ST3GAL3: variants seen among roughly 807,000 people sequenced by gnomAD.
The protein encoded by ST3GAL3 is ST3 beta-galactoside alpha-2,3-sialyltransferase 3, also known as CMP-N-acetylneuraminate-beta-1,4-galactoside alpha-2,3-sialyltransferase.
In ST3GAL3, 21 loss-of-function variants were observed where a neutral mutation model predicts 50.1. That is an observed-to-expected ratio of 0.42 (90% CI 0.30 to 0.60). The LOEUF is 0.60. ST3GAL3 is among the 20% of genes least tolerant of loss of function. The probability of loss-of-function intolerance (pLI) is 0.19; values close to 1 mark genes in which losing one functional copy is unlikely to be tolerated. For missense variants in ST3GAL3, 353 were observed against 489.4 expected (o/e 0.72, Z 2.63); for synonymous variants, 183 against 190.0 (o/e 0.96, Z 0.30).
intron 4 of ST3GAL3, among the ~76,000 whole-genome samples, chr1:43,817,562 T>TTCTTC (rs1334790361): frequency 2.5e-4 from 10 of 40,634 alleles, no homozygotes; most frequent in Admixed American, 3.7e-4. Context: ...CTTCTCCTTC[T>TTCTTC]TCCTTCTTCT....
At chr1:43,912,307 T>A (rs1364771775) in intron 9 of ST3GAL3, 1 of 152,190 alleles carries the variant, frequency 6.6e-6, no homozygotes, top group African/African-American at 2.4e-5. Flanking sequence ...AGAGCTAGTA[T>A]TACTGCCCTT....
At chr1:43,808,638 C>T (rs982138814) in intron 3 of ST3GAL3, among the ~76,000 whole-genome samples, 4 of 152,066 alleles carry the variant, frequency 2.6e-5, no homozygotes, top group African/African-American at 7.2e-5. Context: ...CCCAAGAGTC[C>T]GAAGCTGAGG....
Position 43,930,487 on chromosome 1 carries a change from AC to A in ST3GAL3, c.*267del, listed in dbSNP as rs1391111413. On this transcript the variant is annotated 3_prime_UTR_variant, in exon 12 of 12. Coordinates refer to ENST00000347631, the MANE Select transcript of ST3GAL3 (RefSeq NM_006279.5). ...AGGCCCAGCATGCAGGTGGTGGGAC[AC>A]TGGGCAGCAAGGCTGCTGCCGGAAT... The A allele has an allele frequency of 1.8e-6, 1 of 570,028 alleles. No individual in the cohort carries two copies. The highest frequency in any genetic ancestry group is 3.0e-5 in the Admixed American group (1 of 33,100). 35.3% of individuals were successfully genotyped at this position (570,028 alleles called of 1,614,324 possible).
Position 43,711,150 on chromosome 1 carries a change from C to CA in ST3GAL3, c.-31+3462dup, listed in dbSNP as rs1362620854. Among the ~76,000 whole-genome samples the CA allele has an allele frequency of 3.3e-5, 5 of 152,322 alleles. No individual in the cohort carries two copies. The East Asian group carries it at 9.6e-4, about 29-fold the overall frequency. ...GATAGCTTGGATTAGGCTGCACTAA[C>CA]AAAAACCTCAAGACTTCAGTGGCGT... is the stretch of plus-strand genomic sequence containing the variant. On this transcript the variant is annotated intron_variant, in intron 1 of 11. Coordinates refer to ENST00000347631, the MANE Select transcript of ST3GAL3 (RefSeq NM_006279.5).
chr1:43,881,323 A>G (rs2075092123), intron 5 of ST3GAL3, among the ~76,000 whole-genome samples: 1 of 152,188 alleles, frequency 6.6e-6, no homozygotes, highest in Non-Finnish European at 1.5e-5. Flanking sequence ...TGAGCTTTTT[A>G]TATTCCCAAT....
intron 3 of ST3GAL3, among the ~76,000 whole-genome samples, chr1:43,798,261 C>G (rs2058918907): frequency 6.6e-6 from 1 of 152,222 alleles, no homozygotes; most frequent in Admixed American, 6.5e-5. Flanking sequence ...TCCTGACTGG[C>G]CTGTCTGTGC....
intron 1 of ST3GAL3, among the ~76,000 whole-genome samples, chr1:43,710,463 C>A (rs868048160): frequency 6.6e-6 from 1 of 152,196 alleles, no homozygotes. Context: ...CCACAGAAAC[C>A]CCCTAACATT....
chr1:43,850,248 C>A, intron 5 of ST3GAL3: 1 of 432,506 alleles, frequency 2.3e-6, no homozygotes, highest in Non-Finnish European at 4.5e-6. Context: ...GATCCTCCAG[C>A]AGGTAGCTTC....
chr1:43,890,711 T>G (rs2076573168), intron 5 of ST3GAL3, among the ~76,000 whole-genome samples: 1 of 151,840 alleles, frequency 6.6e-6, no homozygotes, highest in Non-Finnish European at 1.5e-5. Flanking sequence ...TCATCTCTAC[T>G]AAAAATAAAA....
At chr1:43,808,148 A>C (rs2060118002) in intron 3 of ST3GAL3, among the ~76,000 whole-genome samples, 1 of 151,978 alleles carries the variant, frequency 6.6e-6, no homozygotes, top group Admixed American at 6.6e-5. Flanking sequence ...CTAAAAATAC[A>C]AAAAAATTAG....
chr1:43,765,581 TATC>T (rs1297114977), intron 2 of ST3GAL3, among the ~76,000 whole-genome samples: 5 of 152,168 alleles, frequency 3.3e-5, no homozygotes, highest in Non-Finnish European at 7.4e-5. Flanking sequence ...ACCATCATAG[TATC>T]ATAGTTTTAC....
At chr1:43,833,967 C>T (rs974469941) in intron 4 of ST3GAL3, among the ~76,000 whole-genome samples, 4 of 152,174 alleles carry the variant, frequency 2.6e-5, no homozygotes, top group African/African-American at 9.7e-5. Flanking sequence ...TCTCCCCCAA[C>T]CTGGCCAACA....
chr1:43,893,628 G>T (rs899688973), intron 5 of ST3GAL3, among the ~76,000 whole-genome samples: 5 of 151,900 alleles, frequency 3.3e-5, no homozygotes, highest in African/African-American at 9.7e-5. Flanking sequence ...TTTCACCCCA[G>T]CTCAGCATCA....
intron 1 of ST3GAL3, among the ~76,000 whole-genome samples, chr1:43,726,285 TTTTA>T (rs1241278204): frequency 3.3e-5 from 5 of 152,154 alleles, no homozygotes; most frequent in Middle Eastern, 3.4e-3. Flanking sequence ...ATATCTTATT[TTTTA>T]TTTATTTATT....
At chr1:43,786,078 C>T (rs2057299046) in intron 2 of ST3GAL3, among the ~76,000 whole-genome samples, 1 of 151,980 alleles carries the variant, frequency 6.6e-6, no homozygotes, top group South Asian at 2.1e-4. Flanking sequence ...GTTCAGGCCA[C>T]CATCAGTTCT....
chr1:43,884,382 G>T (rs530078578), intron 5 of ST3GAL3, among the ~76,000 whole-genome samples: 1 of 152,186 alleles, frequency 6.6e-6, no homozygotes, highest in Non-Finnish European at 1.5e-5. Context: ...CATTCAAGTG[G>T]TCAGCAAGGG....
In ST3GAL3 at chr1:43,737,285, G is replaced by A. The variant is rs746814807; in HGVS notation, c.118+905G>A. The A allele has an allele frequency of 1.3e-5, 2 of 152,136 alleles. No individual in the cohort carries two copies. Among genetic ancestry groups the A allele is most frequent in the Admixed American group, 6.6e-5 (1 of 15,264 alleles). The allele number at this position is 152,136 out of a possible 1,614,324, so 9.4% of individuals were successfully genotyped here. A position where few individuals can be genotyped will look rare whatever the true frequency, so the allele number is the denominator to read the frequency against. On this transcript the variant is annotated intron_variant, in intron 2 of 11. Coordinates refer to ENST00000347631, the MANE Select transcript of ST3GAL3 (RefSeq NM_006279.5). This position sits in a 1 kb window ranked among gnomAD's most constrained non-coding sequence, Gnocchi z 4.0. ...CTAACATCTACCAGATACCAGTATA[G>A]AACTCACTTGAGAAGAGAGTCAGTC... is the stretch of plus-strand genomic sequence containing the variant.
intron 9 of ST3GAL3, chr1:43,917,026 G>T (rs953449183): frequency 6.6e-6 from 1 of 151,838 alleles, no homozygotes; most frequent in African/African-American, 2.4e-5. Context: ...TTTTACAAAG[G>T]TCTTCATTTT....
chr1:43,875,273 T>C (rs1008322570), intron 5 of ST3GAL3, among the ~76,000 whole-genome samples: 4 of 152,128 alleles, frequency 2.6e-5, no homozygotes, highest in Admixed American at 6.6e-5. Context: ...TATAGATACA[T>C]GGAGGCAGTC....
Sources: allele counts gnomAD v4.1 joint callset (sites outside exome capture counted in the v4.1 genomes callset), GRCh38; gene constraint gnomAD v4.1.1; non-coding constraint Gnocchi (gnomAD v3.1); transcripts MANE v1.5; gene names NCBI Gene and HGNC (gene_info 2026-07-23, HGNC 2026-07-21).